The following BICD1 variants were observed in gnomAD, a reference collection of about 807,000 sequenced individuals.
BICD1 encodes protein bicaudal D homolog 1.
BICD1 carries 35 observed loss-of-function variants against 92.5 expected under a neutral mutation model. The observed-to-expected ratio is 0.38, with a 90% confidence interval of 0.29 to 0.50. BICD1 has a LOEUF of 0.50. Among genes scored for constraint, BICD1 ranks in the 20% least tolerant of loss-of-function variants. BICD1 has a pLI of 0.93. For missense variants in BICD1, 950 were observed against 1,189.8 expected (o/e 0.80, Z 2.97); for synonymous variants, 429 against 465.1 (o/e 0.92, Z 1.00).
chr12:32,245,378 A>C (rs1268786475), intron 2 of BICD1, among the ~76,000 whole-genome samples: 1 of 152,164 alleles, frequency 6.6e-6, no homozygotes, highest in Non-Finnish European at 1.5e-5. Context: ...TTTAAGCTCA[A>C]TTCAAGTGAC....
At chr12:32,280,076 C>T (rs1429711471) in intron 2 of BICD1, among the ~76,000 whole-genome samples, 1 of 150,612 alleles carries the variant, frequency 6.6e-6, no homozygotes, top group East Asian at 1.9e-4. Flanking sequence ...CCAGCCTGGG[C>T]AACAAGAGTG....
chr12:32,227,740 G>T, intron 2 of BICD1: 1 of 158,818 alleles, frequency 6.3e-6, no homozygotes, highest in South Asian at 1.9e-4. Flanking sequence ...GGGTATGTAA[G>T]AGTACCCGTA....
intron 1 of BICD1, among the ~76,000 whole-genome samples, chr12:32,198,306 A>G (rs1355018320): frequency 2.2e-5 from 3 of 136,336 alleles, no homozygotes; most frequent in African/African-American, 2.7e-5. Flanking sequence ...TGAGGGGATG[A>G]TTATGGGAAT....
At chr12:32,295,096 A>AAG (rs961204026) in intron 3 of BICD1, among the ~76,000 whole-genome samples, 4 of 147,206 alleles carry the variant, frequency 2.7e-5, no homozygotes, top group African/African-American at 7.5e-5. Context: ...AAAAAAAAAA[A>AAG]AAAGAAAAAG....
intron 1 of BICD1, among the ~76,000 whole-genome samples, chr12:32,173,167 C>A (rs1360328650): frequency 1.3e-5 from 2 of 152,158 alleles, no homozygotes; most frequent in African/African-American, 4.8e-5. Context: ...CCTGCCTCAG[C>A]CTCCTGAGTA....
At chr12:32,292,876 T>C (rs146068870) in intron 2 of BICD1, among the ~76,000 whole-genome samples, 1 of 152,352 alleles carries the variant, frequency 6.6e-6, no homozygotes, top group East Asian at 1.9e-4. Context: ...TTTATATCTG[T>C]TATGTGGTCA....
At chr12:32,187,143 C>A (rs935295436) in intron 1 of BICD1, among the ~76,000 whole-genome samples, 12 of 152,122 alleles carry the variant, frequency 7.9e-5, no homozygotes, top group Non-Finnish European at 1.2e-4. Context: ...ACTGAGCCCA[C>A]CCATGTCAAT....
chr12:32,119,450 T>C (rs1366861013), intron 1 of BICD1, among the ~76,000 whole-genome samples: 1 of 152,196 alleles, frequency 6.6e-6, no homozygotes, highest in African/African-American at 2.4e-5. Context: ...AAATCACTCA[T>C]TGGAAGTGGA....
At chr12:32,259,737 A>T (rs1464980949) in intron 2 of BICD1, among the ~76,000 whole-genome samples, 1 of 152,164 alleles carries the variant, frequency 6.6e-6, no homozygotes, top group African/African-American at 2.4e-5. Context: ...TCCAAGACTG[A>T]TGTTAGTGAG....
chr12:32,206,050 A>G (rs1199467506), intron 1 of BICD1, among the ~76,000 whole-genome samples: 1 of 151,988 alleles, frequency 6.6e-6, no homozygotes, highest in Non-Finnish European at 1.5e-5. Context: ...ACTCCTTTTT[A>G]TTGCCGATTA....
intron 1 of BICD1, among the ~76,000 whole-genome samples, chr12:32,183,451 G>A (rs961700917): frequency 2.0e-5 from 3 of 151,916 alleles, no homozygotes; most frequent in African/African-American, 7.3e-5. Flanking sequence ...ATTTTTAGTA[G>A]AGACAGGGTT....
At chr12:32,212,117 T>C (rs913629015) in intron 1 of BICD1, among the ~76,000 whole-genome samples, 2 of 152,248 alleles carry the variant, frequency 1.3e-5, no homozygotes, top group Admixed American at 6.5e-5. Flanking sequence ...CTGGAATATT[T>C]CTGTCTCACT....
intron 1 of BICD1, among the ~76,000 whole-genome samples, chr12:32,166,126 A>ATTTG (rs1256581854): frequency 3.2e-5 from 1 of 31,158 alleles, no homozygotes; most frequent in Non-Finnish European, 9.8e-5. Context: ...TTATTTATTT[A>ATTTG]TTTATTTATT....
At chr12:32,212,341 T>C (rs1028294024) in intron 1 of BICD1, among the ~76,000 whole-genome samples, 2 of 152,266 alleles carry the variant, frequency 1.3e-5, no homozygotes, top group African/African-American at 4.8e-5. Flanking sequence ...TTATAACAAA[T>C]GTGAAACTAA....
chr12:32,294,043 G>A lies in BICD1; in HGVS notation c.476G>A (p.Arg159Gln), dbSNP rs968259805. The A allele has an allele frequency of 5.0e-6, 8 of 1,612,880 alleles. No homozygotes were observed. The highest frequency in any genetic ancestry group is 4.4e-5 in the South Asian group (4 of 90,670). Reference sequence around the variant, plus strand: ...AGAATACGGATGAAGGATGAAATCCGAGAATATAAGTTCCGGGAGGCACGG... The same window carrying A: ...AGAATACGGATGAAGGATGAAATCCAAGAATATAAGTTCCGGGAGGCACGG... ...LQRIRMKDEI[R>Q]EYKFREARLL... Residue 159 changes from arginine (R) to glutamine (Q), a missense_variant, in exon 3 of 10, where the codon CGA becomes CAA. Arg to Gln is a conservative substitution (Grantham distance 43, BLOSUM62 1). This residue lies in a region of BICD1 where 202 missense variants were observed against 205.3 expected (regional missense o/e 0.98). Coordinates refer to ENST00000652176, the MANE Select transcript of BICD1 (RefSeq NM_001714.4).
chr12:32,108,663 G>A, intron 1 of BICD1: 1 of 698,874 alleles, frequency 1.4e-6, no homozygotes, highest in Non-Finnish European at 2.6e-6. Flanking sequence ...TGTGATTTAT[G>A]ACATACTGAA....
At chr12:32,107,886 C>G (rs1314431391) in intron 1 of BICD1, 8 of 597,000 alleles carry the variant, frequency 1.3e-5, no homozygotes, top group Non-Finnish European at 2.4e-5. Context: ...TTATCTCAAA[C>G]CCAGGTTTCA....
chr12:32,298,422 G>A (rs543479566), intron 3 of BICD1, among the ~76,000 whole-genome samples: 138 of 151,784 alleles, frequency 9.1e-4, no homozygotes, highest in African/African-American at 3.2e-3. Context: ...GAAATTAGCC[G>A]GGCGTGGTGA....
rs536218303 is a variant in BICD1 at position 32,379,852 on chromosome 12, T to C, written c.*2225T>C. ...GGGACTGGGAGTTCAGCAGGAAGTA[T>C]TGTCTGTGTGTGATGACGGGGCAGT... On this transcript the variant is annotated 3_prime_UTR_variant, in exon 10 of 10. Transcript: ENST00000652176. 2 of 152,318 alleles carry C rather than the reference T, an allele frequency of 1.3e-5. No homozygotes were observed. Among genetic ancestry groups the C allele is most frequent in the East Asian group, 1.9e-4 (1 of 5,188 alleles). The allele number at this position is 152,318 out of a possible 1,614,324, so 9.4% of individuals were successfully genotyped here.
Sources: gnomAD v4.1 joint callset for allele counts (sites outside exome capture counted in the v4.1 genomes callset) on GRCh38, gnomAD v4.1.1 for gene constraint, gnomAD v4.1.1 regional missense constraint, MANE v1.5 for transcripts, NCBI Gene and HGNC (gene_info 2026-07-23, HGNC 2026-07-21) for gene names.